DACH2: variants seen among roughly 807,000 people sequenced by gnomAD.
DACH2 encodes the protein dachshund homolog 2.
A neutral mutation model predicts 35.8 loss-of-function variants in DACH2; 17 were observed. The ratio of observed to expected loss-of-function variants is 0.48; its 90% CI spans 0.33 to 0.71. The LOEUF (loss-of-function observed/expected upper bound fraction) is 0.71. Among genes scored for constraint, DACH2 ranks in the 30% least tolerant of loss-of-function variants. The pLI is 0.02. For synonymous variants in DACH2, 195 were observed against 177.3 expected, an observed-to-expected ratio of 1.10 and a Z score of -0.79; for missense variants, 469 against 472.7, an observed-to-expected ratio of 0.99 and a Z score of 0.07.
intron 1 of DACH2, among the ~76,000 whole-genome samples, chrX:86,199,564 A>G (rs2032091842): frequency 8.9e-6 from 1 of 112,220 alleles, no homozygotes; most frequent in South Asian, 3.7e-4. Context: ...ACTTGAGCAA[A>G]GTCTCAGAAT....
chrX:86,772,852 C>T (rs2041999340), intron 7 of DACH2, among the ~76,000 whole-genome samples: 1 of 110,920 alleles, frequency 9.0e-6, no homozygotes, highest in African/African-American at 3.3e-5. Flanking sequence ...TAGAGAATTC[C>T]TAAGCCCCTT....
At chrX:86,260,814 G>A (rs756629325) in intron 1 of DACH2, among the ~76,000 whole-genome samples, 7 of 111,297 alleles carry the variant, frequency 6.3e-5, no homozygotes, top group African/African-American at 2.3e-4. Flanking sequence ...AACTCAGATG[G>A]GTCTGGCTCC....
At chrX:86,328,141 A>G (rs1015564079) in intron 1 of DACH2, among the ~76,000 whole-genome samples, 3 of 111,472 alleles carry the variant, frequency 2.7e-5, no homozygotes, top group Admixed American at 9.6e-5. Context: ...CTCCAAGCAT[A>G]CTAACTTTCA....
chrX:86,639,468 C>T (rs911542188), intron 3 of DACH2, among the ~76,000 whole-genome samples: 1 of 111,523 alleles, frequency 9.0e-6, no homozygotes, highest in African/African-American at 3.3e-5. Context: ...AATACTTGGG[C>T]TTACTGGCAA....
chrX:86,368,666 G>T (rs142846213), intron 1 of DACH2, among the ~76,000 whole-genome samples: 3 of 107,362 alleles, frequency 2.8e-5, no homozygotes, highest in Middle Eastern at 9.5e-3. Flanking sequence ...GGGCTCAAGC[G>T]ATCCTCTCAC....
At chrX:86,601,048 C>G (rs2039782793) in intron 3 of DACH2, among the ~76,000 whole-genome samples, 1 of 111,142 alleles carries the variant, frequency 9.0e-6, no homozygotes, top group Admixed American at 9.6e-5. Flanking sequence ...AGTGAACACC[C>G]TTTGAACAGT....
chrX:86,807,155 G>A (rs2042352568), intron 7 of DACH2, among the ~76,000 whole-genome samples: 1 of 111,835 alleles, frequency 8.9e-6, no homozygotes, highest in African/African-American at 3.2e-5. Flanking sequence ...GGCTCATCCA[G>A]TTTTTACCTA....
At chrX:86,732,984 A>G (rs1456923331) in intron 6 of DACH2, among the ~76,000 whole-genome samples, 1 of 111,403 alleles carries the variant, frequency 9.0e-6, no homozygotes, top group Non-Finnish European at 1.9e-5. Flanking sequence ...CAGAATAAAG[A>G]TTATGAGCCT....
chrX:86,479,735 A>C (rs1330069375), intron 2 of DACH2, among the ~76,000 whole-genome samples: 3 of 111,048 alleles, frequency 2.7e-5, no homozygotes, highest in Non-Finnish European at 5.7e-5. Flanking sequence ...TTCTTTCTTC[A>C]CCTTTACCAA....
At chrX:86,641,714 G>A (rs2040348992) in intron 3 of DACH2, among the ~76,000 whole-genome samples, 1 of 111,677 alleles carries the variant, frequency 9.0e-6, no homozygotes, top group African/African-American at 3.3e-5. Flanking sequence ...AAAAGGGCGG[G>A]TAACCTACAA....
chrX:86,440,053 G>A (rs772449380), intron 2 of DACH2, among the ~76,000 whole-genome samples: 4 of 111,133 alleles, frequency 3.6e-5, no homozygotes, highest in Admixed American at 9.6e-5. Context: ...ATCTATCTTA[G>A]TGAATGTTCC....
chrX:86,388,435 C>T (rs887675386), intron 2 of DACH2, among the ~76,000 whole-genome samples: 1 of 111,283 alleles, frequency 9.0e-6, no homozygotes, highest in Non-Finnish European at 1.9e-5. Context: ...CTCATGTCTC[C>T]CATTTTGCCC....
At chrX:86,535,461 TG>T (rs750360758) in intron 3 of DACH2, among the ~76,000 whole-genome samples, 43 of 111,879 alleles carry the variant, frequency 3.8e-4, no homozygotes, top group African/African-American at 1.3e-3. Flanking sequence ...CAGGCCATGA[TG>T]GGAAGCAGGG....
intron 2 of DACH2, among the ~76,000 whole-genome samples, chrX:86,460,372 A>T (rs2148209043): frequency 9.0e-6 from 1 of 110,942 alleles, no homozygotes; most frequent in East Asian, 2.8e-4. Context: ...ATTCACAAAA[A>T]GTGTTTCATA....
intron 1 of DACH2, among the ~76,000 whole-genome samples, chrX:86,375,370 AT>A (rs1444221900): frequency 2.0e-5 from 2 of 100,488 alleles, no homozygotes; most frequent in Non-Finnish European, 4.0e-5. Context: ...TAATACATAT[AT>A]AATTATATAT....
At chrX:86,295,201 CT>C (rs1417923334) in intron 1 of DACH2, among the ~76,000 whole-genome samples, 1 of 93,948 alleles carries the variant, frequency 1.1e-5, no homozygotes, top group Non-Finnish European at 2.1e-5. Flanking sequence ...TCTGTCACCC[CT>C]TTCTTTGACT....
intron 7 of DACH2, among the ~76,000 whole-genome samples, chrX:86,749,208 C>G (rs1190313016): frequency 8.9e-6 from 1 of 111,988 alleles, no homozygotes; most frequent in East Asian, 2.8e-4. Context: ...TTTGTGTTTT[C>G]ACTGGAGTAG....
intron 3 of DACH2, among the ~76,000 whole-genome samples, chrX:86,633,512 G>A (rs1299813353): frequency 9.0e-6 from 1 of 111,322 alleles, no homozygotes; most frequent in African/African-American, 3.3e-5. Context: ...ATTCACGGAC[G>A]AATTCTACCA....
chrX:86,595,727 G>T (rs777904386), intron 3 of DACH2, among the ~76,000 whole-genome samples: 1 of 108,072 alleles, frequency 9.3e-6, no homozygotes, highest in African/African-American at 3.3e-5. Context: ...TTGTAATTGA[G>T]CTATAGTTAT....
Sources: allele counts gnomAD v4.1 joint callset (sites outside exome capture counted in the v4.1 genomes callset), GRCh38; gene constraint gnomAD v4.1.1; transcripts MANE v1.5; gene names NCBI Gene and HGNC (gene_info 2026-07-23, HGNC 2026-07-21).